Variants in THSD7B observed in about 807,000 individuals in gnomAD.
The protein encoded by THSD7B is thrombospondin type 1 domain containing 7B.
In THSD7B, 138 loss-of-function variants were observed where a neutral mutation model predicts 213.6. That is an observed-to-expected ratio of 0.65 (90% CI 0.56 to 0.74). THSD7B has a LOEUF of 0.74. Among genes scored for constraint, THSD7B ranks in the 30% least tolerant of loss-of-function variants. The pLI, the probability that THSD7B is intolerant of heterozygous loss-of-function variation, is 0.00. For synonymous variants in THSD7B, 742 were observed against 687.0 expected, an observed-to-expected ratio of 1.08 and a Z score of -1.25; for missense variants, 1,931 against 1,991.5, an observed-to-expected ratio of 0.97 and a Z score of 0.58.
At chr2:137,594,633 T>TA in intron 17 of THSD7B, among the ~76,000 whole-genome samples, 1 of 152,154 alleles carries the variant, frequency 6.6e-6, no homozygotes, top group Middle Eastern at 3.4e-3. Context: ...AGACTGAGTC[T>TA]AAAAATTTGA....
At chr2:137,079,389 T>C (rs1461256444) in intron 3 of THSD7B, among the ~76,000 whole-genome samples, 25 of 152,222 alleles carry the variant, frequency 1.6e-4, no homozygotes, top group Admixed American at 1.6e-3. Flanking sequence ...TTTCTACACA[T>C]AGTTGCTGTT....
intron 1 of THSD7B, among the ~76,000 whole-genome samples, chr2:136,848,198 C>A (rs1055044324): frequency 9.9e-5 from 15 of 152,170 alleles, no homozygotes; most frequent in Non-Finnish European, 1.9e-4. Flanking sequence ...CAGAGCACTA[C>A]AGATAACACT....
chr2:137,258,231 C>A (rs1205322919), intron 10 of THSD7B, among the ~76,000 whole-genome samples: 1 of 151,986 alleles, frequency 6.6e-6, no homozygotes, highest in African/African-American at 2.4e-5. Context: ...TTTTGAAATA[C>A]TTTTTTTATC....
rs553974000 is a variant in THSD7B at position 137,362,846 on chromosome 2, G to C, written c.2501-42767G>C. On this transcript the variant is annotated intron_variant, in intron 12 of 27. Transcript: ENST00000409968. ...GATCAATGAGACAGAAGAGTAACAAGGATATGCAGGACTTGAACTCAGCTC... is the reference window on the plus strand; with the variant it reads ...GATCAATGAGACAGAAGAGTAACAACGATATGCAGGACTTGAACTCAGCTC... Among the ~76,000 whole-genome samples the C allele has an allele frequency of 8.5e-5, 13 of 152,242 alleles. 1 individual carries two copies. The highest frequency in any genetic ancestry group is 8.3e-4 in the South Asian group (4 of 4,814).
rs750010084 is a variant in THSD7B at position 137,160,255 on chromosome 2, C to T, written c.1412C>T (p.Pro471Leu). The change falls in exon 6 of 28, where the codon CCG becomes CTG. Residue 471 changes from proline to leucine, a missense_variant. Coordinates refer to ENST00000409968, the MANE Select transcript of THSD7B (RefSeq NM_001316349.2). ...AAGGCATTATGTGTGGGACCCGCCC[C>T]GTTGCCCTCTCAGCTCTGCAATATC... ...VEKALCVGPAPLPSQLCNIPC... is the reference protein window; with the variant it reads ...VEKALCVGPALLPSQLCNIPC... 28 of 1,613,576 alleles carry T rather than the reference C, an allele frequency of 1.7e-5. 1 individual carries two copies. Among genetic ancestry groups the T allele is most frequent in the South Asian group, 1.2e-4 (11 of 91,062 alleles).
At chr2:137,176,274 T>A (rs1680355132) in intron 7 of THSD7B, among the ~76,000 whole-genome samples, 1 of 152,190 alleles carries the variant, frequency 6.6e-6, no homozygotes, top group Non-Finnish European at 1.5e-5. Flanking sequence ...TTTTGAGAAA[T>A]GGCAACTTGG....
chr2:137,562,230 T>C (rs1206719190), intron 15 of THSD7B, among the ~76,000 whole-genome samples: 1 of 152,134 alleles, frequency 6.6e-6, no homozygotes, highest in African/African-American at 2.4e-5. Flanking sequence ...ACTTAAATTA[T>C]TATTTAAAAG....
intron 1 of THSD7B, among the ~76,000 whole-genome samples, chr2:136,769,225 C>A (rs1401056298): frequency 6.6e-6 from 1 of 152,098 alleles, no homozygotes; most frequent in East Asian, 1.9e-4. Context: ...TATCTCTTGA[C>A]AAAAGGAAAT....
At chr2:136,924,039 G>A (rs1324521981) in intron 2 of THSD7B, among the ~76,000 whole-genome samples, 1 of 152,186 alleles carries the variant, frequency 6.6e-6, no homozygotes, top group Non-Finnish European at 1.5e-5. Context: ...AATCCAGTGT[G>A]ACAAAGCTTT....
At chr2:136,828,407 T>C (rs1230894028) in intron 1 of THSD7B, among the ~76,000 whole-genome samples, 1 of 152,202 alleles carries the variant, frequency 6.6e-6, no homozygotes, top group South Asian at 2.1e-4. Flanking sequence ...GCCACCATCC[T>C]AGTCAAACAT....
intron 14 of THSD7B, among the ~76,000 whole-genome samples, chr2:137,428,596 A>G (rs541293229): frequency 1.1e-4 from 16 of 152,312 alleles, no homozygotes; most frequent in African/African-American, 1.7e-4. Flanking sequence ...ATAAAGCAAT[A>G]TTATTTGGCA....
At chr2:137,554,504 A>G (rs997667857) in intron 15 of THSD7B, among the ~76,000 whole-genome samples, 2 of 152,234 alleles carry the variant, frequency 1.3e-5, no homozygotes, top group African/African-American at 2.4e-5. Context: ...TGAAATAGAC[A>G]TATAGTTTTT....
intron 1 of THSD7B, among the ~76,000 whole-genome samples, chr2:136,813,188 A>AT (rs1352953719): frequency 6.6e-6 from 1 of 152,060 alleles, no homozygotes; most frequent in Non-Finnish European, 1.5e-5. Context: ...ATATGCAATG[A>AT]TTTTTTTCCC....
At chr2:137,007,437 A>C (rs1686138276) in intron 2 of THSD7B, among the ~76,000 whole-genome samples, 1 of 152,190 alleles carries the variant, frequency 6.6e-6, no homozygotes. Context: ...ATGGCCATCT[A>C]ATGGAGAAAT....
intron 12 of THSD7B, among the ~76,000 whole-genome samples, chr2:137,289,722 C>T (rs568610437): frequency 1.3e-4 from 20 of 150,962 alleles, no homozygotes; most frequent in Non-Finnish European, 2.2e-4. Context: ...CAAAGAAAAC[C>T]AAGAAATAAG....
intron 2 of THSD7B, among the ~76,000 whole-genome samples, chr2:136,909,264 G>C (rs1200904248): frequency 2.0e-5 from 3 of 152,138 alleles, no homozygotes; most frequent in Non-Finnish European, 4.4e-5. Context: ...CTGAAATGAG[G>C]TGTACAGTTC....
chr2:136,971,102 A>C (rs1219936617), intron 2 of THSD7B, among the ~76,000 whole-genome samples: 3 of 152,160 alleles, frequency 2.0e-5, no homozygotes, highest in Non-Finnish European at 4.4e-5. Flanking sequence ...CTGGACACAA[A>C]ATATCTCAAA....
chr2:137,372,008 T>C (rs1050025051), intron 12 of THSD7B, among the ~76,000 whole-genome samples: 1 of 152,164 alleles, frequency 6.6e-6, no homozygotes, highest in Non-Finnish European at 1.5e-5. Context: ...CTGTTTCTTT[T>C]TAAGATTGAA....
intron 7 of THSD7B, among the ~76,000 whole-genome samples, chr2:137,182,349 TG>T (rs1265642218): frequency 1.3e-5 from 2 of 152,314 alleles, no homozygotes; most frequent in East Asian, 3.9e-4. Context: ...TAATTCTGAC[TG>T]GAGAGAGCTG....
Sources: allele counts gnomAD v4.1 joint callset (sites outside exome capture counted in the v4.1 genomes callset), GRCh38; gene constraint gnomAD v4.1.1; transcripts MANE v1.5; gene names NCBI Gene and HGNC (gene_info 2026-07-23, HGNC 2026-07-21).